Variants in MAPKAP1 observed in about 807,000 individuals in gnomAD.
MAPKAP1 encodes the protein target of rapamycin complex 2 subunit MAPKAP1.
In MAPKAP1, 20 loss-of-function variants were observed where a neutral mutation model predicts 65.7. The ratio of observed to expected loss-of-function variants is 0.30; its 90% CI spans 0.21 to 0.44. The LOEUF (loss-of-function observed/expected upper bound fraction) is 0.44, where lower values mean the gene tolerates loss of function less well. Ranked by LOEUF, MAPKAP1 falls within the 20% of genes least tolerant of loss-of-function variation. The pLI, the probability that MAPKAP1 is intolerant of heterozygous loss-of-function variation, is 1.00. For synonymous variants in MAPKAP1, 222 were observed against 244.3 expected (o/e 0.91, Z 0.85); for missense variants, 423 against 648.0 (o/e 0.65, Z 3.77).
chr9:125,596,538 TG>T, intron 4 of MAPKAP1: 1 of 712,554 alleles, frequency 1.4e-6, no homozygotes, highest in South Asian at 1.4e-5. Flanking sequence ...GCTATGGTGG[TG>T]GAAGCCAGTA....
At chr9:125,495,557 C>G (rs754506619) in intron 8 of MAPKAP1, among the ~76,000 whole-genome samples, 1 of 152,180 alleles carries the variant, frequency 6.6e-6, no homozygotes, top group Non-Finnish European at 1.5e-5. Context: ...TGGTACAGGT[C>G]TAAATGCACT....
chr9:125,521,245 G>A (rs1441715372), intron 7 of MAPKAP1, among the ~76,000 whole-genome samples: 1 of 152,158 alleles, frequency 6.6e-6, no homozygotes, highest in East Asian at 1.9e-4. Flanking sequence ...CAGCAGGAAT[G>A]TACTTCTCTT....
At chr9:125,702,767 G>A (rs1465441137) in intron 1 of MAPKAP1, among the ~76,000 whole-genome samples, 2 of 151,534 alleles carry the variant, frequency 1.3e-5, no homozygotes, top group South Asian at 2.1e-4. Flanking sequence ...CAAGAGAATC[G>A]CTTGAACCCG....
At chr9:125,685,453 TA>T (rs1414543771) in intron 1 of MAPKAP1, among the ~76,000 whole-genome samples, 1 of 152,268 alleles carries the variant, frequency 6.6e-6, no homozygotes, top group East Asian at 1.9e-4. Flanking sequence ...TAGTAGATAA[TA>T]AGATCTGAAA....
chr9:125,463,239 G>A (rs1184343244), intron 10 of MAPKAP1, among the ~76,000 whole-genome samples: 1 of 152,172 alleles, frequency 6.6e-6, no homozygotes, highest in Non-Finnish European at 1.5e-5. Flanking sequence ...GCGACTGCAG[G>A]GTGCAGTGCA....
intron 7 of MAPKAP1, among the ~76,000 whole-genome samples, chr9:125,528,215 A>G (rs1339672413): frequency 6.6e-6 from 1 of 152,150 alleles, no homozygotes; most frequent in Non-Finnish European, 1.5e-5. Flanking sequence ...CTTACTGGGG[A>G]CAGGGCCACA....
intron 4 of MAPKAP1, among the ~76,000 whole-genome samples, chr9:125,619,294 A>AT (rs1310687621): frequency 6.6e-6 from 1 of 152,198 alleles, no homozygotes; most frequent in African/African-American, 2.4e-5. Context: ...GGTGGCAGCG[A>AT]TAACATAAAC....
intron 7 of MAPKAP1, among the ~76,000 whole-genome samples, chr9:125,538,329 G>A (rs1037449548): frequency 4.6e-5 from 7 of 152,134 alleles, no homozygotes; most frequent in East Asian, 1.9e-4. Flanking sequence ...CAACAGAGAC[G>A]AAGACAACTA....
At chr9:125,562,103 C>T (rs546626741) in intron 5 of MAPKAP1, among the ~76,000 whole-genome samples, 1 of 152,298 alleles carries the variant, frequency 6.6e-6, no homozygotes, top group South Asian at 2.1e-4. Context: ...TTTGATTCTC[C>T]AGCATCACAG....
intron 1 of MAPKAP1, among the ~76,000 whole-genome samples, chr9:125,693,798 C>CGT (rs1564620497): frequency 3.5e-5 from 5 of 141,882 alleles, no homozygotes; most frequent in African/African-American, 1.3e-4. Context: ...TATATACACA[C>CGT]ATATATATAC....
intron 8 of MAPKAP1, among the ~76,000 whole-genome samples, chr9:125,504,452 C>T (rs1010525976): frequency 2.0e-5 from 3 of 152,032 alleles, no homozygotes; most frequent in Non-Finnish European, 2.9e-5. Context: ...GCATGCTCGG[C>T]GGAAGAGGCT....
At chr9:125,698,311 ATATAT>A (rs1564622517) in intron 1 of MAPKAP1, among the ~76,000 whole-genome samples, 13 of 52,450 alleles carry the variant, frequency 2.5e-4, no homozygotes, top group South Asian at 6.3e-4. Flanking sequence ...ATATATATAT[ATATAT>A]ATATATATAT....
At chr9:125,665,588 G>A (rs771100250) in intron 3 of MAPKAP1, among the ~76,000 whole-genome samples, 2 of 151,372 alleles carry the variant, frequency 1.3e-5, no homozygotes, top group South Asian at 2.1e-4. Flanking sequence ...GACTCAGCCC[G>A]CCTGCACCCA....
intron 9 of MAPKAP1, among the ~76,000 whole-genome samples, chr9:125,475,700 C>T (rs549027275): frequency 1.4e-4 from 22 of 152,316 alleles, no homozygotes; most frequent in African/African-American, 2.2e-4. Flanking sequence ...GTGCTAAGTT[C>T]TCTCTGCAGA....
intron 10 of MAPKAP1, 71 bp from the exon 11 acceptor site, chr9:125,444,669 C>T: frequency 3.0e-6 from 3 of 1,013,456 alleles, no homozygotes; most frequent in Non-Finnish European, 3.0e-6. Flanking sequence ...ATATGTTCTC[C>T]CCTATCATTC....
intron 4 of MAPKAP1, among the ~76,000 whole-genome samples, chr9:125,644,373 A>T (rs1273921537): frequency 1.3e-5 from 2 of 152,232 alleles, no homozygotes; most frequent in Non-Finnish European, 2.9e-5. Flanking sequence ...AAAACATGAA[A>T]CAGAAAATTT....
intron 7 of MAPKAP1, among the ~76,000 whole-genome samples, chr9:125,534,491 C>G (rs573339753): frequency 1.3e-5 from 2 of 152,268 alleles, no homozygotes; most frequent in South Asian, 4.1e-4. Flanking sequence ...CCATAGTGTC[C>G]ATCCCTCCAT....
chr9:125,551,661 T>C (rs931213871), intron 6 of MAPKAP1, among the ~76,000 whole-genome samples: 4 of 152,090 alleles, frequency 2.6e-5, no homozygotes, highest in African/African-American at 4.8e-5. Context: ...TTTTTTTTTT[T>C]CCTTTAATGC....
rs139140914 is a variant in MAPKAP1 at position 125,446,936 on chromosome 9, G to C, written c.1346-2338C>G. Reference sequence around the variant, plus strand: ...CTATACACAGCACATGTAATAAGTAGTCTGCAAGGCCTAAGAGCCCCAGAA... The same window carrying C: ...CTATACACAGCACATGTAATAAGTACTCTGCAAGGCCTAAGAGCCCCAGAA... On this transcript the variant is annotated intron_variant, in intron 10 of 11. Transcript: ENST00000265960. Among the ~76,000 whole-genome samples, 196 of 152,296 alleles carry C rather than the reference G, an allele frequency of 1.3e-3. 3 individuals are homozygous for C. Among genetic ancestry groups the C allele is most frequent in the African/African-American group, 4.5e-3 (186 of 41,532 alleles).
Sources: allele counts gnomAD v4.1 joint callset (sites outside exome capture counted in the v4.1 genomes callset), GRCh38; gene constraint gnomAD v4.1.1; transcripts MANE v1.5; gene names NCBI Gene and HGNC (gene_info 2026-07-23, HGNC 2026-07-21).